Variants in PADI3 observed in about 807,000 individuals in gnomAD.
PADI3 encodes peptidyl arginine deiminase 3.
PADI3 carries 53 observed loss-of-function variants against 71.5 expected under a neutral mutation model. The ratio of observed to expected loss-of-function variants is 0.74; its 90% CI spans 0.59 to 0.93. PADI3 has a LOEUF of 0.93. PADI3 is among the 40% of genes least tolerant of loss of function. The probability of loss-of-function intolerance (pLI) is 0.00; values close to 1 mark genes in which losing one functional copy is unlikely to be tolerated. For synonymous variants in PADI3, 361 were observed against 347.5 expected (o/e 1.04, Z -0.43); for missense variants, 821 against 868.0 (o/e 0.95, Z 0.68).
chr1:17,251,071 G>A (rs554998463), intron 1 of PADI3, among the ~76,000 whole-genome samples: 6 of 152,202 alleles, frequency 3.9e-5, no homozygotes, highest in Non-Finnish European at 7.4e-5. Context: ...CTCCTAGTTC[G>A]TTCATTCACA....
At chr1:17,259,314 TC>T (rs1456470915) in intron 1 of PADI3, among the ~76,000 whole-genome samples, 2 of 152,098 alleles carry the variant, frequency 1.3e-5, no homozygotes, top group African/African-American at 4.8e-5. Flanking sequence ...CGCCTCGGCT[TC>T]CCAAAGTGCC....
chr1:17,280,340 T>C lies in PADI3; in HGVS notation c.1556-10T>C. ...TCCCTGTCCTTCTCTTTCATCTCTC[T>C]CCTTCACAGATGATGAGCAGGTCAA... On this transcript the variant is annotated splice_polypyrimidine_tract_variant and intron_variant, in intron 13 of 15. Coordinates refer to ENST00000375460, the MANE Select transcript of PADI3 (RefSeq NM_016233.2). The C allele has an allele frequency of 2.5e-6, 4 of 1,609,856 alleles. No individual in the cohort carries two copies. The highest frequency in any genetic ancestry group is 2.6e-6 in the Non-Finnish European group (3 of 1,176,130).
At chr1:17,262,992 G>A (rs567977240) in intron 3 of PADI3, among the ~76,000 whole-genome samples, 7 of 152,270 alleles carry the variant, frequency 4.6e-5, no homozygotes, top group African/African-American at 9.6e-5. Flanking sequence ...TCAGCTCACC[G>A]CAACCTCCGC....
chr1:17,250,339 T>C (rs2072950368), intron 1 of PADI3, among the ~76,000 whole-genome samples: 1 of 152,174 alleles, frequency 6.6e-6, no homozygotes. Flanking sequence ...TCTGGGCCTC[T>C]CTTTGCTAGA....
chr1:17,253,383 G>T (rs891787657), intron 1 of PADI3, among the ~76,000 whole-genome samples: 1 of 152,222 alleles, frequency 6.6e-6, no homozygotes, highest in Non-Finnish European at 1.5e-5. Flanking sequence ...CGAAGAGGGG[G>T]CAACCTTGAC....
chr1:17,276,348 A>C lies in PADI3; in HGVS notation c.1308-171A>C, dbSNP rs111261309. On this transcript the variant is annotated intron_variant, in intron 11 of 15. Transcript: ENST00000375460. ...TGAGATTCCATCTCAAAAATAAATA[A>C]ATAAATAAAATGAAATATACATATT... Among the ~76,000 whole-genome samples, 388 of 152,316 alleles carry C rather than the reference A, an allele frequency of 2.5e-3. 2 individuals are homozygous for C. The highest frequency in any genetic ancestry group is 8.8e-3 in the African/African-American group (367 of 41,562).
At position 17,276,674 on chromosome 1, in the gene PADI3, C is replaced by T. The variant is rs943749136; in HGVS notation, c.1452+11C>T. On this transcript the variant is annotated intron_variant, in intron 12 of 15. Transcript: ENST00000375460. Reference sequence around the variant, plus strand: ...GCCCCCGATGGGAAGGTAAGAACTTCGTGCATGACGTGTCTTTCCCTGGCA... The same window carrying T: ...GCCCCCGATGGGAAGGTAAGAACTTTGTGCATGACGTGTCTTTCCCTGGCA... The T allele has an allele frequency of 2.2e-5, 36 of 1,613,668 alleles. No homozygotes were observed. Among genetic ancestry groups the T allele is most frequent in the Non-Finnish European group, 3.0e-5 (35 of 1,179,952 alleles).
chr1:17,277,203 T>C (rs1231967101), intron 13 of PADI3, among the ~76,000 whole-genome samples: 1 of 152,044 alleles, frequency 6.6e-6, no homozygotes, highest in Non-Finnish European at 1.5e-5. Flanking sequence ...TTTTTTTTTT[T>C]TCCTTTTTGA....
intron 8 of PADI3, 23 bp from the exon 9 acceptor site, chr1:17,271,044 C>G (rs1386839517): frequency 6.8e-6 from 11 of 1,613,780 alleles, no homozygotes; most frequent in Non-Finnish European, 6.8e-6. Context: ...TCCTGAGCCC[C>G]TCTTCCCTGG....
In PADI3 at chr1:17,265,692, G is replaced by A. The variant is rs146573703; in HGVS notation, c.380G>A (p.Gly127Glu). The A allele has an allele frequency of 4.1e-4, 662 of 1,614,190 alleles. 1 individual carries two copies. The highest frequency in any genetic ancestry group is 2.4e-3 in the East Asian group (107 of 44,880). ...CTGGATTGCGACCTGAACTGTGAGG[G>A]AAGGCAGGACAGGAACTTTGTAGAC... Reference protein sequence around the residue: ...ISLDCDLNCEGRQDRNFVDKR... With the variant: ...ISLDCDLNCEERQDRNFVDKR... The change falls in exon 4 of 16, where the codon GGA becomes GAA. Residue 127 changes from glycine (G) to glutamate (E), a missense_variant. Coordinates refer to ENST00000375460, the MANE Select transcript of PADI3 (RefSeq NM_016233.2).
intron 1 of PADI3, 38 bp from the exon 2 acceptor site, chr1:17,259,540 C>T (rs780773147): frequency 6.6e-7 from 1 of 1,524,968 alleles, no homozygotes; most frequent in Non-Finnish European, 8.8e-7. Flanking sequence ...CAAAATATAT[C>T]TCCTTCGGCA....
At position 17,276,825 on chromosome 1, in the gene PADI3, G is replaced by T. The variant is rs766214324; in HGVS notation, c.1504G>T (p.Glu502Ter). The change falls in exon 13 of 16, where the codon GAA becomes TAA. Residue 502 changes from glutamate (E) to a stop codon, truncating the protein, a stop_gained. Transcript: ENST00000375460. LOFTEE classifies it high-confidence loss of function. Reference protein sequence around the residue: ...SPGACFKLFQEKQKCGHGRAL... With the variant: ...SPGACFKLFQ The stretch of plus-strand genomic sequence containing the variant: ...TGGGGCCTGCTTCAAGCTCTTCCAG[G>T]AAAAGCAGAAGTGTGGCCACGGGAG... The T allele has an allele frequency of 6.2e-7, 1 of 1,613,734 alleles. No individual in the cohort carries two copies. Among genetic ancestry groups the T allele is most frequent in the Non-Finnish European group, 8.5e-7 (1 of 1,179,860 alleles).
chr1:17,259,488 C>T (rs1213172304), intron 1 of PADI3, 90 bp from the exon 2 acceptor site: 2 of 1,281,832 alleles, frequency 1.6e-6, no homozygotes, highest in East Asian at 2.4e-5. Context: ...AGGAAAGCTT[C>T]CTGGAGGAAG....
intron 11 of PADI3, among the ~76,000 whole-genome samples, chr1:17,276,242 C>G (rs2073328446): frequency 6.6e-6 from 1 of 152,072 alleles, no homozygotes; most frequent in Non-Finnish European, 1.5e-5. Context: ...GAGGCTGAGG[C>G]AGGAGAATCC....
At chr1:17,249,635 A>G (rs1557494135) in intron 1 of PADI3, among the ~76,000 whole-genome samples, 1 of 152,246 alleles carries the variant, frequency 6.6e-6, no homozygotes, top group Non-Finnish European at 1.5e-5. Flanking sequence ...CAGAGCATGA[A>G]TCATTTTTAA....
At chr1:17,256,015 A>G (rs562937051) in intron 1 of PADI3, among the ~76,000 whole-genome samples, 21 of 152,252 alleles carry the variant, frequency 1.4e-4, no homozygotes, top group Admixed American at 7.2e-4. Flanking sequence ...ATGAAATGAA[A>G]ACAAGCTCAT....
In PADI3 at chr1:17,265,574, T is replaced by C. The variant is rs1158331404; in HGVS notation, c.347-85T>C. ...CTCCTTAGAAATGACTTGCCTTTGC[T>C]CAGCCCCAGACAAGCCCTGAGATCA... On this transcript the variant is annotated intron_variant, in intron 3 of 15. Transcript: ENST00000375460. The C allele has an allele frequency of 1.5e-5, 18 of 1,212,086 alleles. 1 individual carries two copies. In the South Asian group the frequency reaches 2.2e-4, roughly 15 times the overall value. 75.1% of individuals were successfully genotyped at this position (1,212,086 alleles called of 1,614,324 possible). A position where few individuals can be genotyped will look rare whatever the true frequency, so the allele number is the denominator to read the frequency against.
chr1:17,277,575 C>T (rs555891714), intron 13 of PADI3, among the ~76,000 whole-genome samples: 3 of 152,344 alleles, frequency 2.0e-5, no homozygotes, highest in Admixed American at 6.5e-5. Flanking sequence ...TGCTCAGGCA[C>T]AGTCCTGTCT....
intron 5 of PADI3, 134 bp downstream of exon 5, chr1:17,266,970 GCT>G: frequency 1.4e-6 from 1 of 706,616 alleles, no homozygotes; most frequent in South Asian, 1.7e-5. Flanking sequence ...ACACCTCGAT[GCT>G]CCTCAAAACC....
Sources: gnomAD v4.1 joint callset for allele counts (sites outside exome capture counted in the v4.1 genomes callset) on GRCh38, gnomAD v4.1.1 for gene constraint, MANE v1.5 for transcripts, NCBI Gene and HGNC (gene_info 2026-07-23, HGNC 2026-07-21) for gene names.